Variants in MAN2A1 observed in about 807,000 individuals in gnomAD.
MAN2A1 encodes the protein mannosidase alpha class 2A member 1, also known as alpha-mannosidase 2.
A neutral mutation model predicts 142.6 loss-of-function variants in MAN2A1; 76 were observed. The ratio of observed to expected loss-of-function variants is 0.53; its 90% CI spans 0.44 to 0.65. The LOEUF is 0.65. MAN2A1 is among the 30% of genes least tolerant of loss of function. The pLI, the probability that MAN2A1 is intolerant of heterozygous loss-of-function variation, is 0.00. For missense variants in MAN2A1, 1,311 were observed against 1,365.1 expected (o/e 0.96, Z 0.62); for synonymous variants, 559 against 473.2 (o/e 1.18, Z -2.35).
intron 5 of MAN2A1, among the ~76,000 whole-genome samples, chr5:109,757,579 A>G (rs1333826512): frequency 6.6e-6 from 1 of 152,150 alleles, no homozygotes; most frequent in African/African-American, 2.4e-5. Flanking sequence ...TTACAACTTT[A>G]TTGAGATATA....
chr5:109,743,296 G>T (rs1752319187), intron 4 of MAN2A1, among the ~76,000 whole-genome samples: 1 of 152,074 alleles, frequency 6.6e-6, no homozygotes, highest in African/African-American at 2.4e-5. Context: ...TAATTACCAG[G>T]CATTTGGACT....
intron 16 of MAN2A1, among the ~76,000 whole-genome samples, chr5:109,828,122 A>T (rs998134586): frequency 6.6e-6 from 1 of 150,458 alleles, no homozygotes; most frequent in African/African-American, 2.4e-5. Flanking sequence ...AAAAAAAGAA[A>T]AAAAGAAAAA....
chr5:109,845,839 G>A (rs768164071), intron 17 of MAN2A1, 26 bp from the exon 18 acceptor site: 8 of 1,588,266 alleles, frequency 5.0e-6, no homozygotes, highest in Admixed American at 1.8e-5. Flanking sequence ...ATCACTTTTT[G>A]TAGATGGAAT....
chr5:109,817,669 A>G (rs895038763), intron 13 of MAN2A1, among the ~76,000 whole-genome samples: 2 of 152,190 alleles, frequency 1.3e-5, no homozygotes, highest in African/African-American at 4.8e-5. Context: ...GTATCTTATT[A>G]TATGTTGTTC....
chr5:109,801,783 A>G (rs1281746029), intron 12 of MAN2A1, among the ~76,000 whole-genome samples: 1 of 152,172 alleles, frequency 6.6e-6, no homozygotes, highest in Non-Finnish European at 1.5e-5. Flanking sequence ...CATACCAAAC[A>G]CAATGAAACT....
intron 8 of MAN2A1, 136 bp downstream of exon 8, chr5:109,775,101 A>T (rs1242411775): frequency 1.6e-6 from 1 of 611,690 alleles, no homozygotes; most frequent in African/African-American, 1.9e-5. Flanking sequence ...TGTAAAATAT[A>T]ATCCATTAGG....
intron 1 of MAN2A1, among the ~76,000 whole-genome samples, chr5:109,698,693 T>C (rs1317835228): frequency 6.6e-6 from 1 of 152,232 alleles, no homozygotes; most frequent in Non-Finnish European, 1.5e-5. Context: ...AATTTGACCC[T>C]GTCCTATGTT....
At chr5:109,762,379 T>C (rs1482869864) in intron 5 of MAN2A1, among the ~76,000 whole-genome samples, 1 of 152,186 alleles carries the variant, frequency 6.6e-6, no homozygotes, top group Non-Finnish European at 1.5e-5. Context: ...TTTTGTCTGT[T>C]TTTTGTTTCT....
chr5:109,818,679 T>C (rs1754537791), intron 13 of MAN2A1, among the ~76,000 whole-genome samples: 1 of 152,212 alleles, frequency 6.6e-6, no homozygotes, highest in South Asian at 2.1e-4. Flanking sequence ...AATGGCATTG[T>C]TGTAAAGCCC....
chr5:109,724,885 A>G (rs77712540), intron 3 of MAN2A1, among the ~76,000 whole-genome samples: 2,807 of 152,256 alleles, frequency 0.018, 34 homozygotes, highest in Middle Eastern at 0.071. Flanking sequence ...CAGAGAGTGA[A>G]CATATTAAAG....
chr5:109,705,039 G>C (rs1010222932), intron 1 of MAN2A1, among the ~76,000 whole-genome samples: 1 of 151,988 alleles, frequency 6.6e-6, no homozygotes, highest in African/African-American at 2.4e-5. Flanking sequence ...TTGCCCTTCT[G>C]TCTCCTCCCC....
intron 4 of MAN2A1, among the ~76,000 whole-genome samples, chr5:109,736,925 CATT>C (rs1281627746): frequency 6.6e-6 from 1 of 152,012 alleles, no homozygotes; most frequent in East Asian, 1.9e-4. Flanking sequence ...GCTATTTTCT[CATT>C]ATTGTATTTT....
intron 5 of MAN2A1, among the ~76,000 whole-genome samples, chr5:109,762,603 A>G (rs1319439613): frequency 1.3e-5 from 2 of 152,144 alleles, no homozygotes; most frequent in Non-Finnish European, 2.9e-5. Context: ...GACAATGGCA[A>G]TGTGGCAGGG....
chr5:109,742,447 C>T (rs1231148274), intron 4 of MAN2A1, among the ~76,000 whole-genome samples: 1 of 152,166 alleles, frequency 6.6e-6, no homozygotes, highest in Non-Finnish European at 1.5e-5. Flanking sequence ...TATCTTCTTA[C>T]AATTTTTCCC....
chr5:109,691,696 A>G (rs1448250321), intron 1 of MAN2A1, among the ~76,000 whole-genome samples: 1 of 152,228 alleles, frequency 6.6e-6, no homozygotes, highest in Non-Finnish European at 1.5e-5. Flanking sequence ...GGATGCTGTC[A>G]TCAATACAGA....
chr5:109,801,169 A>G (rs1017977548), intron 12 of MAN2A1, among the ~76,000 whole-genome samples: 16 of 152,144 alleles, frequency 1.1e-4, no homozygotes, highest in Admixed American at 7.2e-4. Context: ...AGGGCTCATG[A>G]TGGGTTCCAT....
chr5:109,819,412 G>A (rs981708827), intron 13 of MAN2A1, among the ~76,000 whole-genome samples: 1 of 152,014 alleles, frequency 6.6e-6, no homozygotes, highest in African/African-American at 2.4e-5. Flanking sequence ...TGTAACATCT[G>A]ATACAATGTA....
intron 16 of MAN2A1, chr5:109,840,743 G>A (rs149859283): frequency 5.4e-4 from 192 of 354,030 alleles, no homozygotes; most frequent in African/African-American, 3.8e-3. Context: ...AAGGGAAACT[G>A]CCTGCTATGG....
At chr5:109,857,965 G>A (rs1755665569) in intron 20 of MAN2A1, among the ~76,000 whole-genome samples, 1 of 152,192 alleles carries the variant, frequency 6.6e-6, no homozygotes, top group Admixed American at 6.5e-5. Flanking sequence ...GCTAAAAACA[G>A]ACGAAATCCT....
Sources: gnomAD v4.1 joint callset for allele counts (sites outside exome capture counted in the v4.1 genomes callset) on GRCh38, gnomAD v4.1.1 for gene constraint, MANE v1.5 for transcripts, NCBI Gene and HGNC (gene_info 2026-07-23, HGNC 2026-07-21) for gene names.